Variants in PRTFDC1 observed in about 807,000 individuals in gnomAD.
PRTFDC1 encodes phosphoribosyltransferase domain-containing protein 1.
Under a neutral mutation model 34.6 loss-of-function variants are expected in PRTFDC1, and 38 were observed. The observed-to-expected ratio is 1.10, with a 90% confidence interval of 0.85 to 1.44. The LOEUF (loss-of-function observed/expected upper bound fraction) is 1.44. Among genes scored for constraint, PRTFDC1 ranks in the 40% most tolerant of loss-of-function variants. The probability of loss-of-function intolerance (pLI) is 0.00; values close to 1 mark genes in which losing one functional copy is unlikely to be tolerated. For synonymous variants in PRTFDC1, 93 were observed against 98.1 expected, an observed-to-expected ratio of 0.95 and a Z score of 0.31; for missense variants, 270 against 283.0, an observed-to-expected ratio of 0.95 and a Z score of 0.33.
intron 3 of PRTFDC1, among the ~76,000 whole-genome samples, chr10:24,908,090 C>T (rs2132563251): frequency 6.6e-6 from 1 of 152,174 alleles, no homozygotes; most frequent in South Asian, 2.1e-4. Context: ...TGGTCCAAGA[C>T]ATTTAAAATG....
chr10:24,942,233 C>G, intron 2 of PRTFDC1, 97 bp downstream of exon 2: 1 of 957,720 alleles, frequency 1.0e-6, no homozygotes, highest in Admixed American at 2.0e-5. Flanking sequence ...CTATAAAACG[C>G]AGCTCAGGAA....
intron 1 of PRTFDC1, among the ~76,000 whole-genome samples, chr10:24,950,591 G>A (rs572942221): frequency 6.6e-6 from 1 of 152,104 alleles, no homozygotes; most frequent in South Asian, 2.1e-4. Flanking sequence ...CTTGGTATCC[G>A]ACTTGCTGTC....
intron 3 of PRTFDC1, among the ~76,000 whole-genome samples, chr10:24,931,694 T>A (rs1848974622): frequency 6.6e-6 from 1 of 151,916 alleles, no homozygotes; most frequent in African/African-American, 2.4e-5. Context: ...AATACTCCCA[T>A]ATCTACTAAA....
In PRTFDC1 at chr10:24,921,769, C is replaced by T. The variant is rs375574940; in HGVS notation, c.339+15415G>A. On this transcript the variant is annotated intron_variant, in intron 3 of 8. Coordinates refer to ENST00000320152, the MANE Select transcript of PRTFDC1 (RefSeq NM_020200.7). ...AAAAAATGTCAAAACTGTCCTCCTC[C>T]AAATGAATCCCAAATTAATAAGTAG... Among the ~76,000 whole-genome samples, 26 of 150,496 alleles carry T rather than the reference C, an allele frequency of 1.7e-4. No homozygotes were observed. In the East Asian group the frequency reaches 3.9e-3, roughly 22 times the overall value.
chr10:24,879,744 T>C (rs1036263967), intron 3 of PRTFDC1, among the ~76,000 whole-genome samples: 19 of 152,322 alleles, frequency 1.2e-4, no homozygotes, highest in African/African-American at 4.6e-4. Flanking sequence ...CAAAAGTAAC[T>C]GTCGTTTTTG....
chr10:24,941,760 T>TTAAA (rs1316329200), intron 2 of PRTFDC1, among the ~76,000 whole-genome samples: 13 of 152,310 alleles, frequency 8.5e-5, no homozygotes, highest in Non-Finnish European at 1.8e-4. Context: ...AATTAGGAGC[T>TTAAA]TCCCAAACTG....
intron 3 of PRTFDC1, among the ~76,000 whole-genome samples, chr10:24,910,826 T>A (rs1440450241): frequency 6.6e-6 from 1 of 151,808 alleles, no homozygotes; most frequent in Admixed American, 6.6e-5. Flanking sequence ...TTAAAAAAAA[T>A]TACCAAATCA....
intron 3 of PRTFDC1, among the ~76,000 whole-genome samples, chr10:24,928,935 G>T (rs1368462180): frequency 1.3e-5 from 2 of 151,352 alleles, no homozygotes; most frequent in Admixed American, 1.3e-4. Context: ...AGCTATTCGG[G>T]AGGCTGAGGC....
chr10:24,872,776 A>ATATGTG (rs1555045472), intron 3 of PRTFDC1, among the ~76,000 whole-genome samples: 1 of 94,294 alleles, frequency 1.1e-5, no homozygotes, highest in Non-Finnish European at 2.1e-5. Context: ...GTATATATAT[A>ATATGTG]TGTGTGTGTG....
chr10:24,921,981 A>T (rs1848798033), intron 3 of PRTFDC1, among the ~76,000 whole-genome samples: 1 of 152,202 alleles, frequency 6.6e-6, no homozygotes, highest in Admixed American at 6.5e-5. Flanking sequence ...CATCATAAAC[A>T]ATTGTCAAAG....
intron 8 of PRTFDC1, 77 bp from the exon 9 acceptor site, chr10:24,849,968 C>G: frequency 7.5e-7 from 1 of 1,330,036 alleles, no homozygotes; most frequent in Non-Finnish European, 1.1e-6. Flanking sequence ...CAGTAATAAC[C>G]GAATGCCATC....
chr10:24,871,562 T>C (rs1022693688), intron 4 of PRTFDC1, among the ~76,000 whole-genome samples: 5 of 151,986 alleles, frequency 3.3e-5, no homozygotes, highest in African/African-American at 9.7e-5. Flanking sequence ...TAAGAGTTCC[T>C]TTTCTCTTCC....
At chr10:24,886,528 C>G (rs1348887701) in intron 3 of PRTFDC1, among the ~76,000 whole-genome samples, 4 of 152,202 alleles carry the variant, frequency 2.6e-5, no homozygotes, top group Admixed American at 1.3e-4. Flanking sequence ...GACCTGCACT[C>G]TAGTGTGTTC....
intron 6 of PRTFDC1, 93 bp from the exon 7 acceptor site, chr10:24,855,457 A>G: frequency 6.7e-7 from 1 of 1,492,984 alleles, no homozygotes; most frequent in Non-Finnish European, 9.3e-7. Flanking sequence ...TACTTGAAAT[A>G]CATATTTTGC....
At chr10:24,942,588 C>T in intron 1 of PRTFDC1, 152 bp from the exon 2 acceptor site, 1 of 662,364 alleles carries the variant, frequency 1.5e-6, no homozygotes, top group Non-Finnish European at 2.7e-6. Flanking sequence ...ATACAAGGCG[C>T]AGTACTAAAG....
chr10:24,946,164 C>G (rs995752213), intron 1 of PRTFDC1, among the ~76,000 whole-genome samples: 1 of 152,054 alleles, frequency 6.6e-6, no homozygotes, highest in African/African-American at 2.4e-5. Flanking sequence ...TTACTGCCCC[C>G]GTTCTGGTTG....
At chr10:24,937,944 G>T (rs777639376) in intron 2 of PRTFDC1, among the ~76,000 whole-genome samples, 17 of 152,006 alleles carry the variant, frequency 1.1e-4, no homozygotes, top group Non-Finnish European at 2.1e-4. Context: ...GAACATTTGG[G>T]CCAAGAGTGG....
chr10:24,931,920 A>AC (rs1301790252), intron 3 of PRTFDC1, among the ~76,000 whole-genome samples: 2 of 103,002 alleles, frequency 1.9e-5, no homozygotes, highest in Admixed American at 1.7e-4. Flanking sequence ...TAAGAAAAAA[A>AC]AAAAACAAAA....
At chr10:24,898,418 T>G (rs1848401757) in intron 3 of PRTFDC1, among the ~76,000 whole-genome samples, 3 of 146,144 alleles carry the variant, frequency 2.1e-5, no homozygotes, top group African/African-American at 5.1e-5. Context: ...GAGCCATGAT[T>G]GTGCCACTGT....
Sources: allele counts gnomAD v4.1 joint callset (sites outside exome capture counted in the v4.1 genomes callset), GRCh38; gene constraint gnomAD v4.1.1; transcripts MANE v1.5; gene names NCBI Gene and HGNC (gene_info 2026-07-23, HGNC 2026-07-21).